Variants in UTP4 observed in about 807,000 individuals in gnomAD.
UTP4 encodes UTP4 small subunit processome component, also known as U3 small nucleolar RNA-associated protein 4 homolog.
UTP4 carries 45 observed loss-of-function variants against 82.4 expected under a neutral mutation model. The observed-to-expected ratio is 0.55, with a 90% CI of 0.43 to 0.70. UTP4 has a LOEUF of 0.70. Among genes scored for constraint, UTP4 ranks in the 30% least tolerant of loss-of-function variants. The pLI is 0.00. For missense variants in UTP4, 819 were observed against 858.3 expected, an observed-to-expected ratio of 0.95 and a Z score of 0.57; for synonymous variants, 348 against 300.3, an observed-to-expected ratio of 1.16 and a Z score of -1.64.
At chr16:69,134,100 G>A (rs1300852968) in intron 2 of UTP4, among the ~76,000 whole-genome samples, 1 of 152,178 alleles carries the variant, frequency 6.6e-6, no homozygotes, top group Non-Finnish European at 1.5e-5. Context: ...TGGGAGTAAA[G>A]GAGATTTAAA....
In UTP4 at chr16:69,133,561, A is replaced by G. The variant is rs1358601286; in HGVS notation, c.102A>G (p.Ser34=). ...YNNQSNRLAV[S]RTDGTVEIYN... is the part of the protein sequence containing the mutation. ...ACCAGTCAAACAGATTGGCTGTTTC[A>G]CGAACAGATGGCACTGTGGAAATTT... Residue 34 remains serine, a synonymous_variant, in exon 2 of 17, where the codon TCA becomes TCG. Coordinates refer to ENST00000314423, the MANE Select transcript of UTP4 (RefSeq NM_032830.3). 6.2e-6 allele frequency: 10 copies of G among 1,614,158 alleles called. No homozygotes were observed. The highest frequency in any genetic ancestry group is 8.5e-6 in the Non-Finnish European group (10 of 1,180,006).
chr16:69,137,149 A>G (rs1245433649), intron 3 of UTP4, among the ~76,000 whole-genome samples: 1 of 152,224 alleles, frequency 6.6e-6, no homozygotes, highest in African/African-American at 2.4e-5. Flanking sequence ...TTGGAGATGT[A>G]GAGGTTTTTT....
intron 6 of UTP4, among the ~76,000 whole-genome samples, chr16:69,147,550 G>C (rs1963151532): frequency 6.6e-6 from 1 of 152,062 alleles, no homozygotes; most frequent in African/African-American, 2.4e-5. Flanking sequence ...TCTGAACATT[G>C]AGGTACAAGT....
chr16:69,135,544 C>A (rs563928956), intron 2 of UTP4, among the ~76,000 whole-genome samples: 40 of 152,080 alleles, frequency 2.6e-4, no homozygotes, highest in African/African-American at 9.2e-4. Flanking sequence ...GAGACCCCAT[C>A]CCTAAAAAAA....
chr16:69,143,229 AG>A lies in UTP4; in HGVS notation c.579del (p.Lys193AsnfsTer18). ...IVDRQYMGVS[K>X]RKCIVWGVAF... The stretch of plus-strand genomic sequence containing the variant: ...GACAGGCAGTATATGGGCGTGTCTA[AG>A]CGGAAGTGCATCGTGTGGGGTGTCG... On this transcript the variant is annotated frameshift_variant, in exon 6 of 17. Transcript: ENST00000314423. LOFTEE classifies it high-confidence loss of function. The A allele has an allele frequency of 6.2e-7, 1 of 1,614,226 alleles. No homozygotes were observed. Among genetic ancestry groups the A allele is most frequent in the Non-Finnish European group, 8.5e-7 (1 of 1,180,040 alleles).
chr16:69,133,174 G>T (rs1189983973), intron 1 of UTP4, among the ~76,000 whole-genome samples: 1 of 152,098 alleles, frequency 6.6e-6, no homozygotes, highest in Non-Finnish European at 1.5e-5. Context: ...AGAGATGCTT[G>T]CTAAAATGCG....
At chr16:69,158,589 A>G (rs1305721930) in intron 12 of UTP4, among the ~76,000 whole-genome samples, 1 of 152,188 alleles carries the variant, frequency 6.6e-6, no homozygotes, top group East Asian at 1.9e-4. Context: ...TGTTTTTATT[A>G]CAAAACTTAG....
chr16:69,150,892 C>T lies in UTP4; in HGVS notation c.990C>T (p.Ile330=), dbSNP rs1343525962. The T allele has an allele frequency of 1.9e-6, 3 of 1,613,054 alleles. No homozygotes were observed. Among genetic ancestry groups the T allele is most frequent in the Non-Finnish European group, 2.5e-6 (3 of 1,179,438 alleles). The change falls in exon 8 of 17, where the codon ATC becomes ATT. Residue 330 remains isoleucine (I), a synonymous_variant. Coordinates refer to ENST00000314423, the MANE Select transcript of UTP4 (RefSeq NM_032830.3). ...ATTACGATGCCGCTCTCCGAAAAAT[C>T]ACCTTTCCCCACGTAAGTGTCCATT... ...VKNYDAALRK[I]TFPHRCLISC...
At chr16:69,167,266 A>G (rs1359105503) in intron 16 of UTP4, 81 bp downstream of exon 16, 1 of 928,566 alleles carries the variant, frequency 1.1e-6, no homozygotes, top group Non-Finnish European at 1.7e-6. Flanking sequence ...ATCGGAAGAT[A>G]AGAGCACCTT....
chr16:69,151,035 T>A, intron 8 of UTP4, 131 bp downstream of exon 8: 2 of 726,720 alleles, frequency 2.8e-6, no homozygotes, highest in Non-Finnish European at 4.8e-6. Context: ...GAGACAGAGT[T>A]TGCTCTTGTT....
At chr16:69,167,292 G>A (rs1429379454) in intron 16 of UTP4, 107 bp downstream of exon 16, 1 of 774,930 alleles carries the variant, frequency 1.3e-6, no homozygotes, top group African/African-American at 1.7e-5. Flanking sequence ...TCCATGCAGA[G>A]AACCTGGCTT....
At chr16:69,160,293 C>G in intron 12 of UTP4, 63 bp from the exon 13 acceptor site, 2 of 1,304,810 alleles carry the variant, frequency 1.5e-6, no homozygotes, top group Non-Finnish European at 2.2e-6. Context: ...GCCATCATCT[C>G]CAGGGCAGGT....
rs777368990 is a variant in UTP4 at position 69,157,193 on chromosome 16, T to A, written c.1397T>A (p.Leu466Gln). ...CAAGGAGCTCTGCATATTGTTCAGC[T>A]GTCAGGAGGAAGCTTCAAGCACCTG... ...SNQGALHIVQ[L>Q]SGGSFKHLHA... Residue 466 changes from leucine (L) to glutamine (Q), a missense_variant, in exon 12 of 17, where the codon CTG becomes CAG. Coordinates refer to ENST00000314423, the MANE Select transcript of UTP4 (RefSeq NM_032830.3). 14 of 1,614,118 alleles carry A rather than the reference T, an allele frequency of 8.7e-6. No homozygotes were observed. Among genetic ancestry groups the A allele is most frequent in the Non-Finnish European group, 1.2e-5 (14 of 1,180,046 alleles).
intron 3 of UTP4, among the ~76,000 whole-genome samples, chr16:69,137,507 T>G (rs111889009): frequency 1.6e-4 from 24 of 152,350 alleles, no homozygotes; most frequent in African/African-American, 5.5e-4. Flanking sequence ...AGCAGAAGTA[T>G]TCTATGAAAT....
chr16:69,142,880 A>G (rs1299565032), intron 5 of UTP4, among the ~76,000 whole-genome samples: 1 of 151,950 alleles, frequency 6.6e-6, no homozygotes, highest in Non-Finnish European at 1.5e-5. Flanking sequence ...TGCACCTTCT[A>G]TCCCTTTCCT....
intron 14 of UTP4, among the ~76,000 whole-genome samples, chr16:69,163,770 T>C (rs1257539644): frequency 6.6e-6 from 1 of 151,974 alleles, no homozygotes; most frequent in Non-Finnish European, 1.5e-5. Context: ...ATCTGTAAAA[T>C]TGGAGATGTT....
chr16:69,151,381 G>A (rs965086466), intron 8 of UTP4, among the ~76,000 whole-genome samples: 1 of 148,126 alleles, frequency 6.8e-6, no homozygotes, highest in Non-Finnish European at 1.5e-5. Flanking sequence ...GGAGTGCAGT[G>A]GTGCGACTCC....
At position 69,150,766 on chromosome 16, in the gene UTP4, G is replaced by C. The variant is rs764505153; in HGVS notation, c.911-47G>C. The C allele has an allele frequency of 2.5e-6, 4 of 1,613,476 alleles. No individual in the cohort carries two copies. The Middle Eastern group carries it at 5.0e-4, about 200-fold the overall frequency. On this transcript the variant is annotated intron_variant, in intron 7 of 16. Coordinates refer to ENST00000314423, the MANE Select transcript of UTP4 (RefSeq NM_032830.3). ...ACCCTGCCCAGTTCTGGCTGTTCTCGTGAGGATGACTTCTAATTCTGTACA... is the reference window on the plus strand; with the variant it reads ...ACCCTGCCCAGTTCTGGCTGTTCTCCTGAGGATGACTTCTAATTCTGTACA...
intron 6 of UTP4, among the ~76,000 whole-genome samples, chr16:69,144,156 G>A (rs1286865980): frequency 6.6e-6 from 1 of 151,790 alleles, no homozygotes; most frequent in African/African-American, 2.4e-5. Flanking sequence ...CCAAAGTGCT[G>A]GGATTACAGG....
Sources: allele counts gnomAD v4.1 joint callset (sites outside exome capture counted in the v4.1 genomes callset), GRCh38; gene constraint gnomAD v4.1.1; transcripts MANE v1.5; gene names NCBI Gene and HGNC (gene_info 2026-07-23, HGNC 2026-07-21).